Variants in CCDC57 observed in about 807,000 individuals in gnomAD.
CCDC57 encodes the protein coiled-coil domain-containing protein 57.
Under a neutral mutation model 118.9 loss-of-function variants are expected in CCDC57, and 118 were observed. The observed-to-expected ratio is 0.99, with a 90% CI of 0.86 to 1.16. The LOEUF (loss-of-function observed/expected upper bound fraction) is 1.16, where lower values mean the gene tolerates loss of function less well. Ranked by LOEUF, CCDC57 falls within the 50% of genes most tolerant of loss-of-function variation. The probability of loss-of-function intolerance (pLI) is 0.00; values close to 1 mark genes in which losing one functional copy is unlikely to be tolerated. For synonymous variants in CCDC57, 527 were observed against 532.9 expected, an observed-to-expected ratio of 0.99 and a Z score of 0.15; for missense variants, 1,300 against 1,320.7, an observed-to-expected ratio of 0.98 and a Z score of 0.24.
intron 7 of CCDC57, among the ~76,000 whole-genome samples, chr17:82,191,095 T>C (rs2047620884): frequency 6.7e-6 from 1 of 148,518 alleles, no homozygotes; most frequent in Non-Finnish European, 1.5e-5. Flanking sequence ...TGAGTTGTAA[T>C]ACGGCAAAAA....
At chr17:82,187,483 G>A (rs1274470913) in intron 8 of CCDC57, among the ~76,000 whole-genome samples, 4 of 121,892 alleles carry the variant, frequency 3.3e-5, no homozygotes, top group East Asian at 2.3e-4. Flanking sequence ...TCCCCAGCCC[G>A]GTCGCATCCA....
intron 16 of CCDC57, among the ~76,000 whole-genome samples, chr17:82,136,630 C>T (rs1165354277): frequency 6.6e-6 from 1 of 150,922 alleles, no homozygotes; most frequent in Non-Finnish European, 1.5e-5. Flanking sequence ...CAGAGTCTTG[C>T]TCTGTCACCC....
intron 19 of CCDC57, 55 bp downstream of exon 18, chr17:82,127,637 G>T (rs2037668003): frequency 2.6e-6 from 4 of 1,534,196 alleles, no homozygotes; most frequent in Non-Finnish European, 3.5e-6. Context: ...CTCGGAGAGG[G>T]TGGCCCTCGC....
intron 13 of CCDC57, 68 bp downstream of exon 12, chr17:82,171,633 G>T: frequency 6.5e-7 from 1 of 1,534,232 alleles, no homozygotes; most frequent in South Asian, 1.2e-5. Flanking sequence ...GCTATGAGCG[G>T]ACTTTTGCAG....
chr17:82,128,244 G>T (rs2037765283), intron 18 of CCDC57, among the ~76,000 whole-genome samples: 1 of 152,218 alleles, frequency 6.6e-6, no homozygotes, highest in Admixed American at 6.5e-5. Flanking sequence ...GGCACAGAAA[G>T]GAAAGGCCAG....
chr17:82,188,326 G>C (rs2047233397), exon 8 of CCDC57: 1 of 1,607,550 alleles, frequency 6.2e-7, no homozygotes. Context: ...CCAGAACCCT[G>C]GTCTGCAGCT....
intron 19 of CCDC57, chr17:82,126,822 T>A: frequency 1.0e-6 from 1 of 985,342 alleles, no homozygotes; most frequent in Non-Finnish European, 1.2e-6. Context: ...GGAAATAGCC[T>A]AAAATGCGCA....
intron 2 of CCDC57, among the ~76,000 whole-genome samples, chr17:82,202,793 G>A (rs766225071): frequency 6.6e-6 from 1 of 152,138 alleles, no homozygotes; most frequent in Non-Finnish European, 1.5e-5. Flanking sequence ...TCCAGGGGAA[G>A]TAGAGGAAGG....
At position 82,111,717 on chromosome 17, in the gene CCDC57, G is replaced by A. The variant is rs530006399; in HGVS notation, c.2900-9851C>T. On this transcript the variant is annotated intron_variant, in intron 19 of 19. Coordinates refer to ENST00000665763, the Ensembl canonical transcript of CCDC57. Reference sequence around the variant, plus strand: ...TAGCTCCAAGGTTCAAGTGATTCTCGTGCCTCAGCCTCCCAAGTAGTTGAA... The same window carrying A: ...TAGCTCCAAGGTTCAAGTGATTCTCATGCCTCAGCCTCCCAAGTAGTTGAA... Among the ~76,000 whole-genome samples the A allele has an allele frequency of 7.8e-4, 113 of 144,742 alleles. 1 individual carries two copies. The highest frequency in any genetic ancestry group is 1.4e-3 in the Admixed American group (21 of 14,532). The allele number at this position is 144,742 out of a possible 152,430, so 95.0% of individuals were successfully genotyped here.
At chr17:82,193,808 G>A in exon 7 of CCDC57, 2 of 1,599,716 alleles carry the variant, frequency 1.3e-6, no homozygotes, top group East Asian at 4.5e-5. Context: ...ACAGAGTGAA[G>A]TTTATCCTCT....
intron 19 of CCDC57, among the ~76,000 whole-genome samples, chr17:82,120,475 C>T (rs1307018013): frequency 3.9e-5 from 6 of 152,198 alleles, no homozygotes; most frequent in Admixed American, 6.5e-5. Context: ...CACTGGAGGG[C>T]GCAGTGTCGC....
chr17:82,134,535 T>C (rs1191742317), intron 16 of CCDC57, among the ~76,000 whole-genome samples: 2 of 152,186 alleles, frequency 1.3e-5, no homozygotes, highest in African/African-American at 4.8e-5. Context: ...GGCTCACGTC[T>C]GTAATCCCAG....
At chr17:82,201,580 A>AGCTGCT (rs771219269) in exon 3 of CCDC57, 5 of 1,611,870 alleles carry the variant, frequency 3.1e-6, no homozygotes, top group African/African-American at 2.7e-5. Flanking sequence ...CTGGAATGCC[A>AGCTGCT]GCTGCTGCTG....
At chr17:82,171,151 G>A (rs1170719572) in intron 13 of CCDC57, among the ~76,000 whole-genome samples, 1 of 144,816 alleles carries the variant, frequency 6.9e-6, no homozygotes, top group African/African-American at 2.6e-5. Flanking sequence ...GCCAGGGCAC[G>A]TGGGCTCCGG....
chr17:82,172,000 G>A, intron 12 of CCDC57, 147 bp from the exon 12 acceptor site: 1 of 819,748 alleles, frequency 1.2e-6, no homozygotes, highest in African/African-American at 1.7e-5. Context: ...CTTCACCGTA[G>A]TTTCCACACT....
At chr17:82,139,937 G>GA (rs1217994657) in intron 16 of CCDC57, among the ~76,000 whole-genome samples, 3 of 152,200 alleles carry the variant, frequency 2.0e-5, no homozygotes, top group African/African-American at 7.2e-5. Context: ...CTTTTGTTAA[G>GA]AATACGGCTG....
At chr17:82,147,665 GT>G (rs1388866814) in intron 16 of CCDC57, among the ~76,000 whole-genome samples, 1 of 128,830 alleles carries the variant, frequency 7.8e-6, no homozygotes, top group East Asian at 2.8e-4. Flanking sequence ...ACATGGAAGG[GT>G]GGGTGGGTGA....
chr17:82,147,170 T>C (rs1041254880), intron 16 of CCDC57, among the ~76,000 whole-genome samples: 1 of 151,238 alleles, frequency 6.6e-6, no homozygotes, highest in Non-Finnish European at 1.5e-5. Flanking sequence ...GATGGATAGG[T>C]GGGTGGGATA....
rs138959439 is a variant in CCDC57 at position 82,132,403 on chromosome 17, G to A, written c.2577+1670C>T. Among the ~76,000 whole-genome samples, 1,069 of 152,164 alleles carry A rather than the reference G, an allele frequency of 7.0e-3. 7 individuals carry two copies. Among genetic ancestry groups the A allele is most frequent in the Non-Finnish European group, 0.011 (722 of 68,022 alleles). On this transcript the variant is annotated intron_variant, in intron 17 of 19. Coordinates refer to ENST00000665763, the Ensembl canonical transcript of CCDC57. ...TTCAAAAAGACACGGAAAGGCGGAG[G>A]GAGTGTTCTGGGTTAAAGGATGAAA... is the stretch of plus-strand genomic sequence containing the variant.
Sources: allele counts gnomAD v4.1 joint callset (sites outside exome capture counted in the v4.1 genomes callset), GRCh38; gene constraint gnomAD v4.1.1; transcripts MANE v1.5; gene names NCBI Gene and HGNC (gene_info 2026-07-23, HGNC 2026-07-21).